Variants in SNX13 observed in about 807,000 individuals in gnomAD.
SNX13 encodes sorting nexin 13.
In SNX13, 45 loss-of-function variants were observed where a neutral mutation model predicts 133.6. That is an observed-to-expected ratio of 0.34 (90% CI 0.27 to 0.43). The LOEUF (loss-of-function observed/expected upper bound fraction) is 0.43. Ranked by LOEUF, SNX13 falls within the 20% of genes least tolerant of loss-of-function variation. SNX13 has a pLI of 1.00. For synonymous variants in SNX13, 414 were observed against 373.9 expected, an observed-to-expected ratio of 1.11 and a Z score of -1.24; for missense variants, 1,032 against 1,145.1, an observed-to-expected ratio of 0.90 and a Z score of 1.43.
At chr7:17,875,001 T>C (rs1183841217) in intron 7 of SNX13, among the ~76,000 whole-genome samples, 1 of 151,968 alleles carries the variant, frequency 6.6e-6, no homozygotes, top group Non-Finnish European at 1.5e-5. Flanking sequence ...TAAAAGTAGA[T>C]TGATAATTTC....
chr7:17,815,396 A>G (rs1786547375), intron 19 of SNX13, among the ~76,000 whole-genome samples: 1 of 152,150 alleles, frequency 6.6e-6, no homozygotes, highest in Admixed American at 6.5e-5. Flanking sequence ...CAGCCCGGGC[A>G]ACAAAGCAAA....
Position 17,893,425 on chromosome 7 carries a change from C to A in SNX13, c.135G>T (p.Val45=). 6.5e-7 allele frequency: 1 copy of A among 1,547,578 alleles called. No individual in the cohort carries two copies. Among genetic ancestry groups the A allele is most frequent in the East Asian group, 2.4e-5 (1 of 41,822 alleles). Residue 45 remains valine, a synonymous_variant, in exon 3 of 26, where the codon GTG becomes GTT. Transcript: ENST00000428135. ...YILCFVGGGL[V]VTLLFGKTNS... Reference sequence around the variant, plus strand: ...TTGTTTTTCCAAACAGGAGAGTAACCACTAAACCCCTAGAAAGAAAAATTT... The same window carrying A: ...TTGTTTTTCCAAACAGGAGAGTAACAACTAAACCCCTAGAAAGAAAAATTT...
chr7:17,913,417 G>A (rs1337057230), intron 1 of SNX13, among the ~76,000 whole-genome samples: 1 of 152,140 alleles, frequency 6.6e-6, no homozygotes, highest in Non-Finnish European at 1.5e-5. Flanking sequence ...CACCAAAGGT[G>A]GAGCACTTTT....
intron 17 of SNX13, 32 bp downstream of exon 17, chr7:17,825,990 T>TA (rs1362776235): frequency 2.2e-6 from 3 of 1,370,722 alleles, no homozygotes; most frequent in Non-Finnish European, 3.0e-6. Context: ...TACATAGTTT[T>TA]AATGCAATAA....
intron 5 of SNX13, among the ~76,000 whole-genome samples, chr7:17,877,153 T>C (rs1794824415): frequency 1.3e-5 from 2 of 150,894 alleles, no homozygotes; most frequent in African/African-American, 4.9e-5. Flanking sequence ...GTTTGTTGTA[T>C]ACATGAAACT....
At chr7:17,840,186 T>C (rs1353874066) in intron 12 of SNX13, among the ~76,000 whole-genome samples, 186 bp from the exon 13 acceptor site, 2 of 152,090 alleles carry the variant, frequency 1.3e-5, no homozygotes, top group Admixed American at 6.6e-5. Flanking sequence ...AAACCAGTTA[T>C]GTTAAAAACA....
chr7:17,923,035 C>G (rs1800305522), intron 1 of SNX13, among the ~76,000 whole-genome samples: 1 of 152,046 alleles, frequency 6.6e-6, no homozygotes, highest in Non-Finnish European at 1.5e-5. Context: ...TAGCACATAC[C>G]ACTTTTCTAC....
chr7:17,841,062 G>C (rs1789809912), intron 12 of SNX13, among the ~76,000 whole-genome samples: 2 of 152,074 alleles, frequency 1.3e-5, no homozygotes, highest in Admixed American at 6.6e-5. Flanking sequence ...GTAGGAACCA[G>C]GGTGGACAAA....
intron 13 of SNX13, among the ~76,000 whole-genome samples, chr7:17,838,032 TA>T (rs1031311003): frequency 4.6e-5 from 7 of 151,968 alleles, no homozygotes; most frequent in African/African-American, 1.7e-4. Context: ...CTGTTTACTG[TA>T]ATCCTTTTCT....
intron 5 of SNX13, among the ~76,000 whole-genome samples, chr7:17,887,866 A>AC (rs1796185552): frequency 6.6e-6 from 1 of 150,874 alleles, no homozygotes. Flanking sequence ...AAAAAAAAAA[A>AC]CCACAGTTTT....
chr7:17,918,894 C>A (rs567965349), intron 1 of SNX13, among the ~76,000 whole-genome samples: 4 of 152,228 alleles, frequency 2.6e-5, no homozygotes, highest in African/African-American at 9.6e-5. Flanking sequence ...AAATGTGGTA[C>A]ATATACTACG....
At chr7:17,830,161 TAAAA>T (rs367739163) in intron 15 of SNX13, 114 bp from the exon 16 acceptor site, 712 of 474,502 alleles carry the variant, frequency 1.5e-3, no homozygotes, top group East Asian at 1.7e-3. Flanking sequence ...AACATAATAG[TAAAA>T]AAAAAAAAAA....
chr7:17,808,646 A>G (rs1785609937), intron 20 of SNX13, among the ~76,000 whole-genome samples: 1 of 152,174 alleles, frequency 6.6e-6, no homozygotes, highest in East Asian at 1.9e-4. Context: ...TCCAAGATAC[A>G]TAATTGTCAG....
chr7:17,803,333 G>T (rs867597405), intron 21 of SNX13, 86 bp downstream of exon 21: 1 of 1,252,150 alleles, frequency 8.0e-7, no homozygotes, highest in Non-Finnish European at 1.1e-6. Context: ...AAGGTTAAGG[G>T]ACTAAGGTAA....
intron 1 of SNX13, among the ~76,000 whole-genome samples, chr7:17,922,070 C>T (rs1800185303): frequency 6.6e-6 from 1 of 152,162 alleles, no homozygotes; most frequent in Non-Finnish European, 1.5e-5. Context: ...GATTGGACTC[C>T]ATGGTTCACC....
In SNX13 at chr7:17,796,849, C is replaced by A. The variant is rs200328875; in HGVS notation, c.2604G>T (p.Thr868=). 8.3e-5 allele frequency: 133 copies of A among 1,609,564 alleles called. No homozygotes were observed. The South Asian group carries it at 1.4e-3, about 17-fold the overall frequency. Residue 868 remains threonine (T), a synonymous_variant, in exon 25 of 26, where the codon ACG becomes ACT. Coordinates refer to ENST00000428135, the MANE Select transcript of SNX13 (RefSeq NM_015132.5). ...CACCTGGCATAATTGCAAGTAATTT[C>A]GTTTTTCCTGCTACTCTTGTTCTCA... ...IRMRTRVAGK[T]KLLAIMPDEL...
chr7:17,824,803 C>T (rs931155329), intron 17 of SNX13, among the ~76,000 whole-genome samples: 2 of 151,056 alleles, frequency 1.3e-5, no homozygotes, highest in Non-Finnish European at 2.9e-5. Context: ...CGGAGTCTCG[C>T]TCTGTCGCCA....
At chr7:17,916,017 A>G (rs1409618139) in intron 1 of SNX13, among the ~76,000 whole-genome samples, 1 of 152,212 alleles carries the variant, frequency 6.6e-6, no homozygotes, top group Non-Finnish European at 1.5e-5. Flanking sequence ...CAAAACCACA[A>G]AAAAATACAT....
At chr7:17,926,020 G>A (rs1800713141) in intron 1 of SNX13, among the ~76,000 whole-genome samples, 1 of 152,022 alleles carries the variant, frequency 6.6e-6, no homozygotes, top group African/African-American at 2.4e-5. Context: ...CTTTAGCCTG[G>A]GAGATTCAGG....
Sources: allele counts gnomAD v4.1 joint callset (sites outside exome capture counted in the v4.1 genomes callset), GRCh38; gene constraint gnomAD v4.1.1; transcripts MANE v1.5; gene names NCBI Gene and HGNC (gene_info 2026-07-23, HGNC 2026-07-21).